DNAI4: variants seen among roughly 807,000 people sequenced by gnomAD.
DNAI4 encodes WD repeat domain 78.
Under a neutral mutation model 105.8 loss-of-function variants are expected in DNAI4, and 85 were observed. The observed-to-expected ratio is 0.80, with a 90% CI of 0.67 to 0.96. The LOEUF (loss-of-function observed/expected upper bound fraction) is 0.96, where lower values mean the gene tolerates loss of function less well. Among genes scored for constraint, DNAI4 ranks in the 40% least tolerant of loss-of-function variants. The probability of loss-of-function intolerance (pLI) is 0.00; values close to 1 mark genes in which losing one functional copy is unlikely to be tolerated. For missense variants in DNAI4, 1,014 were observed against 1,005.6 expected, an observed-to-expected ratio of 1.01 and a Z score of -0.11; for synonymous variants, 352 against 331.5, an observed-to-expected ratio of 1.06 and a Z score of -0.67.
chr1:66,883,942 T>A (rs1647136077), intron 4 of DNAI4, among the ~76,000 whole-genome samples: 1 of 152,168 alleles, frequency 6.6e-6, no homozygotes. Flanking sequence ...AAAACATACT[T>A]CTCCTAAGAT....
intron 12 of DNAI4, 79 bp from the exon 13 acceptor site, chr1:66,833,785 G>A: frequency 6.6e-7 from 1 of 1,520,892 alleles, no homozygotes; most frequent in Non-Finnish European, 8.9e-7. Context: ...TGTTTCTCCT[G>A]CAAATAATAA....
chr1:66,821,367 G>C (rs1645622961), intron 16 of DNAI4, among the ~76,000 whole-genome samples: 1 of 151,932 alleles, frequency 6.6e-6, no homozygotes, highest in Non-Finnish European at 1.5e-5. Flanking sequence ...CAAAAGTGCT[G>C]GGATTACAGG....
chr1:66,835,205 T>C lies in DNAI4; in HGVS notation c.1733+421A>G, dbSNP rs911755555. On this transcript the variant is annotated intron_variant, in intron 11 of 16. Coordinates refer to ENST00000371026, the MANE Select transcript of DNAI4 (RefSeq NM_024763.5). Reference sequence around the variant, plus strand: ...TACCCTCCTTAGACAGATAGATAGATAGATAGATAGATAGATAGATAGATA... The same window carrying C: ...TACCCTCCTTAGACAGATAGATAGACAGATAGATAGATAGATAGATAGATA... Among the ~76,000 whole-genome samples, 456 of 119,374 alleles carry C rather than the reference T, an allele frequency of 3.8e-3. 2 individuals carry two copies. Among genetic ancestry groups the C allele is most frequent in the South Asian group, 8.1e-3 (34 of 4,198 alleles). 78.3% of individuals were successfully genotyped at this position (119,374 alleles called of 152,430 possible). A position where few individuals can be genotyped will look rare whatever the true frequency, so the allele number is the denominator to read the frequency against.
chr1:66,882,505 C>CTA (rs1391251510), intron 4 of DNAI4, among the ~76,000 whole-genome samples: 1 of 147,526 alleles, frequency 6.8e-6, no homozygotes, highest in Admixed American at 6.7e-5. Context: ...AGGTCTGTGT[C>CTA]TATGCTCTCT....
chr1:66,875,162 T>G (rs1646934806), intron 4 of DNAI4, among the ~76,000 whole-genome samples: 1 of 152,120 alleles, frequency 6.6e-6, no homozygotes. Context: ...CCTACCCCAG[T>G]CTAATACCAA....
chr1:66,840,306 C>T (rs1416772335), intron 9 of DNAI4, among the ~76,000 whole-genome samples, 163 bp downstream of exon 9: 2 of 152,180 alleles, frequency 1.3e-5, no homozygotes, highest in African/African-American at 4.8e-5. Context: ...TGCATTTCCC[C>T]CTTTTTAAAC....
chr1:66,913,643 C>T (rs1368027964), intron 1 of DNAI4, among the ~76,000 whole-genome samples: 7 of 152,220 alleles, frequency 4.6e-5, no homozygotes, highest in African/African-American at 1.7e-4. Context: ...GCATTTTGAG[C>T]CCTCTCTGAG....
chr1:66,844,104 A>AAAAC (rs150512205), intron 8 of DNAI4, among the ~76,000 whole-genome samples: 6 of 150,144 alleles, frequency 4.0e-5, no homozygotes, highest in African/African-American at 1.2e-4. Flanking sequence ...AAAAAAAAAA[A>AAAAC]AAACTTTAAA....
At chr1:66,856,725 A>G (rs1646510218) in intron 7 of DNAI4, among the ~76,000 whole-genome samples, 1 of 152,104 alleles carries the variant, frequency 6.6e-6, no homozygotes, top group Admixed American at 6.5e-5. Context: ...CAAAACATTT[A>G]TAAATAACAA....
intron 2 of DNAI4, among the ~76,000 whole-genome samples, chr1:66,903,896 G>A (rs886108109): frequency 1.3e-5 from 2 of 151,810 alleles, no homozygotes; most frequent in Non-Finnish European, 2.9e-5. Flanking sequence ...TTTTGTTCTT[G>A]GACCTTAGGA....
At chr1:66,857,655 C>G (rs1646531389) in intron 7 of DNAI4, among the ~76,000 whole-genome samples, 1 of 151,902 alleles carries the variant, frequency 6.6e-6, no homozygotes, top group Admixed American at 6.6e-5. Context: ...CTGCCTCAGC[C>G]TCCCGAATAG....
intron 13 of DNAI4, among the ~76,000 whole-genome samples, chr1:66,829,968 AC>A (rs1645832907): frequency 6.6e-6 from 1 of 152,140 alleles, no homozygotes; most frequent in Non-Finnish European, 1.5e-5. Flanking sequence ...TAAATAACCC[AC>A]CCATCAAAGA....
intron 1 of DNAI4, among the ~76,000 whole-genome samples, chr1:66,918,666 C>CTTCA (rs1245630488): frequency 6.6e-6 from 1 of 152,130 alleles, no homozygotes; most frequent in Admixed American, 6.5e-5. Context: ...GGACATGAGA[C>CTTCA]TTCACAATCT....
chr1:66,899,211 T>G (rs1490144820), intron 2 of DNAI4, among the ~76,000 whole-genome samples: 1 of 152,198 alleles, frequency 6.6e-6, no homozygotes, highest in East Asian at 1.9e-4. Flanking sequence ...CTAATTTATA[T>G]TCCCACAAGC....
intron 3 of DNAI4, among the ~76,000 whole-genome samples, chr1:66,892,991 A>AAGAAAGAAAGAG (rs1553227521): frequency 2.4e-4 from 26 of 108,060 alleles, no homozygotes; most frequent in Admixed American, 1.2e-3. Flanking sequence ...GAAAGAAAGA[A>AAGAAAGAAAGAG]AGAAAGAGAG....
At chr1:66,815,614 T>C (rs1416703432) in intron 16 of DNAI4, among the ~76,000 whole-genome samples, 2 of 151,786 alleles carry the variant, frequency 1.3e-5, no homozygotes, top group African/African-American at 2.4e-5. Flanking sequence ...TATCCAGGAG[T>C]GATTCTCTAC....
At chr1:66,876,187 G>C (rs1024511958) in intron 4 of DNAI4, among the ~76,000 whole-genome samples, 1 of 152,006 alleles carries the variant, frequency 6.6e-6, no homozygotes, top group Non-Finnish European at 1.5e-5. Context: ...AAGTAAATGA[G>C]TTATCCACAA....
intron 1 of DNAI4, among the ~76,000 whole-genome samples, chr1:66,915,434 G>C (rs1032763172): frequency 6.6e-6 from 1 of 152,086 alleles, no homozygotes; most frequent in Admixed American, 6.6e-5. Flanking sequence ...ATTTTGCAAT[G>C]GCGGTTTCAT....
rs1056606301 is a variant in DNAI4, at chr1:66,871,186, T to C, written c.940+184A>G. The C allele has an allele frequency of 2.0e-5, 10 of 495,548 alleles. No homozygotes were observed. The East Asian group carries it at 2.8e-4, about 14-fold the overall frequency. The allele number at this position is 495,548 out of a possible 1,614,324, so 30.7% of individuals were successfully genotyped here. ...TGAATAATTATGTTATTCAAATCTA[T>C]ATATTTATTACTTAACATGTCAAAT... On this transcript the variant is annotated intron_variant, in intron 6 of 16. Coordinates refer to ENST00000371026, the MANE Select transcript of DNAI4 (RefSeq NM_024763.5).
Sources: gnomAD v4.1 joint callset for allele counts (sites outside exome capture counted in the v4.1 genomes callset) on GRCh38, gnomAD v4.1.1 for gene constraint, MANE v1.5 for transcripts, NCBI Gene and HGNC (gene_info 2026-07-23, HGNC 2026-07-21) for gene names.